DNHD1: variants seen among roughly 807,000 people sequenced by gnomAD.
The protein encoded by DNHD1 is dynein heavy chain domain-containing protein 1.
In DNHD1, 383 loss-of-function variants were observed where a neutral mutation model predicts 458.1. The observed-to-expected ratio is 0.84, with a 90% CI of 0.77 to 0.91. DNHD1 has a LOEUF of 0.91. Ranked by LOEUF, DNHD1 falls within the 40% of genes least tolerant of loss-of-function variation. DNHD1 has a pLI of 0.00. For synonymous variants in DNHD1, 2,203 were observed against 2,376.9 expected (o/e 0.93, Z 2.13); for missense variants, 5,336 against 5,866.1 (o/e 0.91, Z 2.95).
In DNHD1 at chr11:6,556,974, C is replaced by T; in HGVS notation, c.7679C>T (p.Ala2560Val). 3 of 1,551,736 alleles carry T rather than the reference C, an allele frequency of 1.9e-6. No individual in the cohort carries two copies. Among genetic ancestry groups the T allele is most frequent in the Non-Finnish European group, 2.6e-6 (3 of 1,147,006 alleles). Reference sequence around the variant, plus strand: ...TCTGTGGAACGGGAGCGTGCTCTGGCACGAGGTCTGGTTAGGGCCTCAGTA... The same window carrying T: ...TCTGTGGAACGGGAGCGTGCTCTGGTACGAGGTCTGGTTAGGGCCTCAGTA... ...FPSVERERAL[A>V]RGLVRASVEA... Residue 2560 changes from alanine to valine, a missense_variant, in exon 25 of 43, where the codon GCA (alanine) becomes GTA (valine). Ala to Val is a moderately conservative substitution (Grantham distance 64). This residue lies in a region of DNHD1 where 3,932 missense variants were observed against 4,365.6 expected (regional missense o/e 0.90). Transcript: ENST00000254579.
chr11:6,547,585 G>T lies in DNHD1; in HGVS notation c.6646G>T (p.Glu2216Ter). 6.5e-7 allele frequency: 1 copy of T among 1,549,232 alleles called. No homozygotes were observed. The highest frequency in any genetic ancestry group is 8.7e-7 in the Non-Finnish European group (1 of 1,144,970). ...GCAGGCTGTTTGTGCAGGTGTGGCA[G>T]AAGTTACCAGCATGGCACGCATCTT... The part of the protein sequence containing the change: ...GQQAVCAGVA[E>*]VTSMARILHS... Residue 2216 changes from glutamate (E) to a stop codon, truncating the protein, a stop_gained, in exon 21 of 43, where the codon GAA (glutamate) becomes TAA (stop). Transcript: ENST00000254579. LOFTEE classifies it high-confidence loss of function.
intron 18 of DNHD1, among the ~76,000 whole-genome samples, chr11:6,543,768 T>G (rs1418191129): frequency 1.3e-5 from 2 of 151,894 alleles, no homozygotes; most frequent in Non-Finnish European, 1.5e-5. Flanking sequence ...GAGACCAGCC[T>G]GATGAACATG....
In DNHD1 at chr11:6,571,450, G is replaced by C; in HGVS notation, c.13911+27G>C. ...TATCTTCGCGCCGCCCCTCGTTCGC[G>C]GTTCCAGTCCCCTCGAAGTCTCTAA... On this transcript the variant is annotated intron_variant, in intron 42 of 42. Transcript: ENST00000254579. This position sits in a 1 kb window ranked among gnomAD's most constrained non-coding sequence, Gnocchi z 5.0. 1.3e-6 allele frequency: 2 copies of C among 1,545,284 alleles called. No homozygotes were observed. Among genetic ancestry groups the C allele is most frequent in the Non-Finnish European group, 1.8e-6 (2 of 1,141,716 alleles).
In DNHD1 at chr11:6,559,042, T is replaced by C; in HGVS notation, c.9352T>C (p.Phe3118Leu). 6.4e-7 allele frequency: 1 copy of C among 1,551,642 alleles called. No homozygotes were observed. The highest frequency in any genetic ancestry group is 8.7e-7 in the Non-Finnish European group (1 of 1,146,964). ...CGTCACCCCCAAGACCTTCCTAGAC[T>C]TCCTGGACACTTTCCTGATGCTGCA... The part of the protein sequence containing the change: ...PLVTPKTFLD[F>L]LDTFLMLQQQ... The change falls in exon 27 of 43, where the codon TTC (phenylalanine) becomes CTC (leucine). Residue 3118 changes from phenylalanine (F) to leucine (L), a missense_variant. By Grantham distance (22) the Phe-to-Leu change is conservative. Transcript: ENST00000254579.
At chr11:6,529,572 T>C (rs955831926) in intron 12 of DNHD1, among the ~76,000 whole-genome samples, 10 of 152,272 alleles carry the variant, frequency 6.6e-5, no homozygotes, top group African/African-American at 1.9e-4. Flanking sequence ...TCCTTTCATT[T>C]AAAGCAGTCA....
Position 6,533,837 on chromosome 11 carries a change from C to T in DNHD1, c.2662C>T (p.Pro888Ser), listed in dbSNP as rs1289477631. 1 of 1,551,316 alleles carries T rather than the reference C, an allele frequency of 6.4e-7. No homozygotes were observed. The highest frequency in any genetic ancestry group is 8.7e-7 in the Non-Finnish European group (1 of 1,146,914). Reference protein sequence around the residue: ...VRRQFGESPIPPCPPPPQPHL... With the variant: ...VRRQFGESPISPCPPPPQPHL... ...AAGGCAATTCGGGGAGTCACCCATC[C>T]CTCCCTGCCCTCCTCCCCCACAACC... The change falls in exon 14 of 43, where the codon CCT (proline) becomes TCT (serine). Residue 888 changes from proline to serine, a missense_variant. Pro to Ser is a moderately conservative substitution (Grantham distance 74, BLOSUM62 -1). Coordinates refer to ENST00000254579, the MANE Select transcript of DNHD1 (RefSeq NM_144666.3).
At chr11:6,561,574 C>A (rs906498711) in intron 28 of DNHD1, among the ~76,000 whole-genome samples, 3 of 152,284 alleles carry the variant, frequency 2.0e-5, no homozygotes, top group Admixed American at 1.3e-4. Flanking sequence ...CGTGTTATAA[C>A]AGAGTAAGTT....
intron 18 of DNHD1, among the ~76,000 whole-genome samples, chr11:6,541,558 A>G (rs1311906228): frequency 1.3e-5 from 2 of 152,206 alleles, no homozygotes; most frequent in African/African-American, 4.8e-5. Context: ...AAGAGCTTCT[A>G]TCGCTCTGTG....
rs1366362265 is a variant in DNHD1 at position 6,546,844 on chromosome 11, C to T, written c.5905C>T (p.Pro1969Ser). 1 of 1,551,794 alleles carries T rather than the reference C, an allele frequency of 6.4e-7. No individual in the cohort carries two copies. Among genetic ancestry groups the T allele is most frequent in the South Asian group, 1.2e-5 (1 of 84,066 alleles). The change falls in exon 21 of 43, where the codon CCT (proline) becomes TCT (serine). Residue 1969 changes from proline to serine, a missense_variant. Pro to Ser is a moderately conservative substitution (Grantham distance 74, BLOSUM62 -1). Coordinates refer to ENST00000254579, the MANE Select transcript of DNHD1 (RefSeq NM_144666.3). ...ELQQVGLDPSPDILGSLEQLS... is the reference protein window; with the variant it reads ...ELQQVGLDPSSDILGSLEQLS... ...GCAACAGGTAGGTCTGGATCCCAGC[C>T]CTGACATTTTGGGGTCCTTGGAACA... is the stretch of plus-strand genomic sequence containing the variant.
At chr11:6,519,037 G>C (rs1034521961) in intron 7 of DNHD1, among the ~76,000 whole-genome samples, 1 of 152,146 alleles carries the variant, frequency 6.6e-6, no homozygotes, top group Non-Finnish European at 1.5e-5. Flanking sequence ...ATTGTCAGCA[G>C]CCTTTATAGG....
rs1853836908 is a variant in DNHD1, at chr11:6,571,057, G to A, written c.13545G>A (p.Pro4515=). 6.3e-7 allele frequency: 1 copy of A among 1,578,776 alleles called. No homozygotes were observed. Among genetic ancestry groups the A allele is most frequent in the East Asian group, 2.2e-5 (1 of 44,450 alleles). The change falls in exon 42 of 43, where the codon CCG becomes CCA. Residue 4515 remains proline, a synonymous_variant. Coordinates refer to ENST00000254579, the MANE Select transcript of DNHD1 (RefSeq NM_144666.3). The surrounding 1 kb of genome is among the most constrained non-coding windows in gnomAD (Gnocchi z 5.0). ...TGCAGCAGCTGAAGGGCGCACCCCCGTGCCCCTCCCGCCGCTGTGCTGCGG... is the reference window on the plus strand; with the variant it reads ...TGCAGCAGCTGAAGGGCGCACCCCCATGCCCCTCCCGCCGCTGTGCTGCGG... ...CLLQQLKGAP[P]CPSRRCAAVA... is the part of the protein sequence containing the mutation.
In DNHD1 at chr11:6,558,284, A is replaced by T. The variant is rs1279537652; in HGVS notation, c.8989A>T (p.Met2997Leu). The change falls in exon 25 of 43, where the codon ATG (methionine) becomes TTG (leucine). Residue 2997 changes from methionine (M) to leucine (L), a missense_variant. By Grantham distance (15) the Met-to-Leu change is conservative. Around this residue, in one of 4 missense-constraint regions of DNHD1, gnomAD observed 3,932 missense variants for 4,365.6 expected, o/e 0.90. Transcript: ENST00000254579. ...TGTCAAACAGAACATCAAGAAGGAAATGGTGTTGCAGAGGTGAGGCCAAGA... is the reference window on the plus strand; with the variant it reads ...TGTCAAACAGAACATCAAGAAGGAATTGGTGTTGCAGAGGTGAGGCCAAGA... ...LGVKQNIKKE[M>L]VLQRFHQQVC... 3 of 1,551,104 alleles carry T rather than the reference A, an allele frequency of 1.9e-6. No individual in the cohort carries two copies. The African/African-American group carries it at 4.1e-5, about 21-fold the overall frequency.
In DNHD1 at chr11:6,539,314, G is replaced by A; in HGVS notation, c.3420+1G>A. 1 of 1,550,566 alleles carries A rather than the reference G, an allele frequency of 6.4e-7. No individual in the cohort carries two copies. Among genetic ancestry groups the A allele is most frequent in the Non-Finnish European group, 8.7e-7 (1 of 1,146,094 alleles). On this transcript the variant is annotated splice_donor_variant, in intron 17 of 42. Transcript: ENST00000254579. LOFTEE classifies it high-confidence loss of function. ...GGAGTTTGCAGATCGAATCAACCAG[G>A]TGGGGCCCTCAGTACAGGGGCGAGG...
intron 18 of DNHD1, among the ~76,000 whole-genome samples, chr11:6,541,449 TG>T (rs775067342): frequency 5.3e-5 from 8 of 152,178 alleles, no homozygotes; most frequent in Non-Finnish European, 1.2e-4. Context: ...GAAGCAAAAA[TG>T]TTTGGGTCTT....
At position 6,539,864 on chromosome 11, in the gene DNHD1, C is replaced by G. The variant is rs1330704532; in HGVS notation, c.3421-12C>G. On this transcript the variant is annotated splice_polypyrimidine_tract_variant and intron_variant, in intron 17 of 42. Transcript: ENST00000254579. ...TTACCCAGTCCTGGTTCCTGAGACCCAGCTGTTCCAGGTCTGGCAGAATGA... is the reference window on the plus strand; with the variant it reads ...TTACCCAGTCCTGGTTCCTGAGACCGAGCTGTTCCAGGTCTGGCAGAATGA... 1 of 1,551,602 alleles carries G rather than the reference C, an allele frequency of 6.4e-7. No individual in the cohort carries two copies. Among genetic ancestry groups the G allele is most frequent in the Admixed American group, 2.0e-5 (1 of 51,006 alleles).
chr11:6,559,058 T>G lies in DNHD1; in HGVS notation c.9368T>G (p.Leu3123Arg), dbSNP rs1474553301. ...TTCCTAGACTTCCTGGACACTTTCC[T>G]GATGCTGCAGCAACAGACAATCCTG... The part of the protein sequence containing the change: ...KTFLDFLDTF[L>R]MLQQQTILKI... Residue 3123 changes from leucine to arginine, a missense_variant, in exon 27 of 43, where the codon CTG becomes CGG. Leu to Arg is a moderately radical substitution (Grantham distance 102, BLOSUM62 -2). This residue lies in a region of DNHD1 where 3,932 missense variants were observed against 4,365.6 expected (regional missense o/e 0.90). Transcript: ENST00000254579. The G allele has an allele frequency of 1.3e-6, 2 of 1,551,536 alleles. No individual in the cohort carries two copies. Among genetic ancestry groups the G allele is most frequent in the East Asian group, 4.9e-5 (2 of 40,926 alleles).
rs772588035 is a variant in DNHD1, at chr11:6,558,643, A to C, written c.9161A>C (p.Lys3054Thr). ...YEPWDQAALAKVAQHHLEGAQ... is the reference protein window; with the variant it reads ...YEPWDQAALATVAQHHLEGAQ... ...CCCTGGGACCAAGCTGCCCTGGCCA[A>C]GGTGGCCCAGCATCACCTGGAGGGT... is the stretch of plus-strand genomic sequence containing the variant. Residue 3054 changes from lysine to threonine, a missense_variant, in exon 26 of 43, where the codon AAG (lysine) becomes ACG (threonine). Lys to Thr is a moderately conservative substitution (Grantham distance 78, BLOSUM62 -1). This residue lies in a region of DNHD1 where 3,932 missense variants were observed against 4,365.6 expected (regional missense o/e 0.90). Coordinates refer to ENST00000254579, the MANE Select transcript of DNHD1 (RefSeq NM_144666.3). 2.6e-6 allele frequency: 4 copies of C among 1,551,472 alleles called. No individual in the cohort carries two copies. The highest frequency in any genetic ancestry group is 3.5e-6 in the Non-Finnish European group (4 of 1,147,014).
chr11:6,529,047 C>T lies in DNHD1; in HGVS notation c.2273C>T (p.Ser758Phe). The T allele has an allele frequency of 6.4e-7, 1 of 1,551,086 alleles. No homozygotes were observed. Among genetic ancestry groups the T allele is most frequent in the South Asian group, 1.2e-5 (1 of 84,018 alleles). ...CTGAATGTTTGGCAGGCCCGTGTCTCCAGTATGCCTATCGAGTTGCTCACA... is the reference window on the plus strand; with the variant it reads ...CTGAATGTTTGGCAGGCCCGTGTCTTCAGTATGCCTATCGAGTTGCTCACA... ...SRLNVWQARV[S>F]SMPIELLTKG... is the part of the protein sequence containing the mutation. The change falls in exon 12 of 43, where the codon TCC becomes TTC. Residue 758 changes from serine (S) to phenylalanine (F), a missense_variant. By Grantham distance (155) the Ser-to-Phe change is radical. Transcript: ENST00000254579.
intron 14 of DNHD1, among the ~76,000 whole-genome samples, chr11:6,537,803 C>T (rs866858651): frequency 2.2e-4 from 33 of 152,172 alleles, no homozygotes; most frequent in Middle Eastern, 3.4e-3. Flanking sequence ...TGGTGGTGTG[C>T]GCCTGTATTC....
Sources: allele counts gnomAD v4.1 joint callset (sites outside exome capture counted in the v4.1 genomes callset), GRCh38; gene constraint gnomAD v4.1.1; regional missense constraint gnomAD v4.1.1; non-coding constraint Gnocchi (gnomAD v3.1); transcripts MANE v1.5; gene names NCBI Gene and HGNC (gene_info 2026-07-23, HGNC 2026-07-21).